The following PPM1G variants were observed in gnomAD, a reference collection of about 807,000 sequenced individuals.
The protein encoded by PPM1G is protein phosphatase 1G.
PPM1G carries 12 observed loss-of-function variants against 59.4 expected under a neutral mutation model. The observed-to-expected ratio is 0.20, with a 90% CI of 0.13 to 0.33. The LOEUF (loss-of-function observed/expected upper bound fraction) is 0.33. Ranked by LOEUF, PPM1G falls within the 10% of genes least tolerant of loss-of-function variation. The pLI is 1.00. For synonymous variants in PPM1G, 245 were observed against 251.9 expected (o/e 0.97, Z 0.26); for missense variants, 392 against 681.3 (o/e 0.58, Z 4.73).
chr2:27,393,722 G>A (rs1363291344), intron 1 of PPM1G, among the ~76,000 whole-genome samples: 2 of 151,866 alleles, frequency 1.3e-5, no homozygotes, highest in Non-Finnish European at 2.9e-5. Context: ...GTAGCTGGGA[G>A]TACAGGTGCG....
At chr2:27,398,963 G>A (rs922383496) in intron 1 of PPM1G, among the ~76,000 whole-genome samples, 2 of 151,972 alleles carry the variant, frequency 1.3e-5, no homozygotes, top group East Asian at 1.9e-4. Flanking sequence ...TGGCCAACAT[G>A]GTGAAACCCG....
chr2:27,385,845 T>G lies in PPM1G; in HGVS notation c.311A>C (p.Lys104Thr). ...LEDAFLAIDAKLTTEEVIKEL... is the reference protein window; with the variant it reads ...LEDAFLAIDATLTTEEVIKEL... The stretch of plus-strand genomic sequence containing the variant: ...TTTAATGACTTCTTCAGTGGTCAAT[T>G]TGGCGTCAATAGCCAAGAAGGCATC... The change falls in exon 4 of 10, where the codon AAA (lysine) becomes ACA (threonine). Residue 104 changes from lysine to threonine, a missense_variant. Physicochemically the swap from Lys to Thr is moderately conservative, Grantham distance 78. Transcript: ENST00000344034. This position sits in a 1 kb window ranked among gnomAD's most constrained non-coding sequence, Gnocchi z 4.1. 6.2e-7 allele frequency: 1 copy of G among 1,613,998 alleles called. No individual in the cohort carries two copies. The highest frequency in any genetic ancestry group is 8.5e-7 in the Non-Finnish European group (1 of 1,179,980).
intron 1 of PPM1G, among the ~76,000 whole-genome samples, chr2:27,398,604 A>G (rs1572667356): frequency 6.6e-6 from 1 of 151,998 alleles, no homozygotes; most frequent in Non-Finnish European, 1.5e-5. Context: ...CGGACGGATC[A>G]CGAGGTCAAG....
At chr2:27,396,527 T>G (rs1166999414) in intron 1 of PPM1G, among the ~76,000 whole-genome samples, 1 of 150,940 alleles carries the variant, frequency 6.6e-6, no homozygotes, top group African/African-American at 2.4e-5. Flanking sequence ...TTAAAAAAAT[T>G]TTTAAGGCCG....
intron 1 of PPM1G, among the ~76,000 whole-genome samples, chr2:27,393,820 C>A (rs1243831466): frequency 6.6e-6 from 1 of 151,914 alleles, no homozygotes; most frequent in Non-Finnish European, 1.5e-5. Context: ...TGGACTGAAG[C>A]GGCGCAATCT....
chr2:27,403,731 AC>A, intron 1 of PPM1G, among the ~76,000 whole-genome samples: 1 of 152,112 alleles, frequency 6.6e-6, no homozygotes, highest in African/African-American at 2.4e-5. Context: ...TACTAAAAAT[AC>A]AAAAAATAAG....
At position 27,382,162 on chromosome 2, in the gene PPM1G, A is replaced by G. The variant is rs1475494259; in HGVS notation, c.1398T>C (p.Asn466=). ...IQSKISQRDE[N]GELRLLSSIV... is the part of the protein sequence containing the mutation. ...TGGATGACAATAACCGAAGCTCCCC[A>G]TTTTCATCACGCTGGCTGATCTTTG... The change falls in exon 9 of 10, where the codon AAT becomes AAC. Residue 466 remains asparagine, a synonymous_variant. Coordinates refer to ENST00000344034, the MANE Select transcript of PPM1G (RefSeq NM_177983.3). This position sits in a 1 kb window ranked among gnomAD's most constrained non-coding sequence, Gnocchi z 4.2. 1 of 1,614,138 alleles carries G rather than the reference A, an allele frequency of 6.2e-7. No individual in the cohort carries two copies. The highest frequency in any genetic ancestry group is 8.5e-7 in the Non-Finnish European group (1 of 1,180,028).
chr2:27,399,765 T>C (rs1286937395), intron 1 of PPM1G, among the ~76,000 whole-genome samples: 2 of 152,182 alleles, frequency 1.3e-5, no homozygotes, highest in Non-Finnish European at 2.9e-5. Flanking sequence ...ACTGGCATCC[T>C]CATATATTGC....
intron 1 of PPM1G, among the ~76,000 whole-genome samples, chr2:27,392,515 A>C (rs1220841976): frequency 6.7e-6 from 1 of 148,502 alleles, no homozygotes; most frequent in Non-Finnish European, 1.5e-5. Flanking sequence ...GGCTGGTCTC[A>C]AACTCCCGAC....
chr2:27,407,487 G>A (rs1234077297), intron 1 of PPM1G, among the ~76,000 whole-genome samples: 2 of 151,980 alleles, frequency 1.3e-5, no homozygotes, highest in East Asian at 1.9e-4. Flanking sequence ...GGCTGGTCTC[G>A]AACTCCTGAG....
chr2:27,394,694 G>A (rs1684001637), intron 1 of PPM1G, among the ~76,000 whole-genome samples: 2 of 143,292 alleles, frequency 1.4e-5, no homozygotes, highest in African/African-American at 5.2e-5. Context: ...AGTGAGCCGA[G>A]ATCGTGCCAC....
chr2:27,388,379 A>T (rs1226137992), intron 1 of PPM1G, among the ~76,000 whole-genome samples: 2 of 152,196 alleles, frequency 1.3e-5, no homozygotes, highest in East Asian at 3.9e-4. Flanking sequence ...ACTGCGCTCC[A>T]GCCTGGGTGA....
chr2:27,396,207 G>A (rs1222890742), intron 1 of PPM1G, among the ~76,000 whole-genome samples: 1 of 152,120 alleles, frequency 6.6e-6, no homozygotes, highest in Non-Finnish European at 1.5e-5. Context: ...GGGAGGTGGA[G>A]GTTGCAGTGA....
At chr2:27,408,818 T>C (rs909951767) in intron 1 of PPM1G, among the ~76,000 whole-genome samples, 1 of 152,218 alleles carries the variant, frequency 6.6e-6, no homozygotes, top group African/African-American at 2.4e-5. Flanking sequence ...AAACAGACTC[T>C]GCCCGGGGTT....
In PPM1G at chr2:27,400,259, G is replaced by A. The variant is rs182651240; in HGVS notation, c.120+9044C>T. On this transcript the variant is annotated intron_variant, in intron 1 of 9. Transcript: ENST00000344034. ...TAAAATACACACAAAAAATTTAGCC[G>A]GGTGTGATGGTGGGTACCTGTAGTC... 2.0e-3 allele frequency among the ~76,000 whole-genome samples: 301 copies of A among 152,120 alleles called. 2 individuals are homozygous for A. The highest frequency in any genetic ancestry group is 6.7e-3 in the African/African-American group (278 of 41,494).
In PPM1G at chr2:27,384,571, G is replaced by A. The variant is rs1237079685; in HGVS notation, c.825+102C>T. 12 of 1,351,300 alleles carry A rather than the reference G, an allele frequency of 8.9e-6. No homozygotes were observed. Among genetic ancestry groups the A allele is most frequent in the Non-Finnish European group, 1.2e-5 (12 of 991,910 alleles). 83.7% of individuals were successfully genotyped at this position (1,351,300 alleles called of 1,614,324 possible). On this transcript the variant is annotated intron_variant, in intron 5 of 9. Coordinates refer to ENST00000344034, the MANE Select transcript of PPM1G (RefSeq NM_177983.3). This position sits in a 1 kb window ranked among gnomAD's most constrained non-coding sequence, Gnocchi z 4.8. ...TAGAATACAGTGGGTCTTGGGGGAT[G>A]ATGTCAAAATAGGAGAAGGAAAGAG...
chr2:27,387,324 A>T (rs1683792767), intron 1 of PPM1G, among the ~76,000 whole-genome samples, 166 bp from the exon 2 acceptor site: 1 of 152,168 alleles, frequency 6.6e-6, no homozygotes, highest in Non-Finnish European at 1.5e-5. Context: ...AGAAAAGAGG[A>T]GGGAGGCAAA....
chr2:27,385,206 G>T lies in PPM1G; in HGVS notation c.410-118C>A, dbSNP rs1683735112. 1 of 1,175,770 alleles carries T rather than the reference G, an allele frequency of 8.5e-7. No homozygotes were observed. The highest frequency in any genetic ancestry group is 1.2e-6 in the Non-Finnish European group (1 of 857,206). 72.8% of individuals were successfully genotyped at this position (1,175,770 alleles called of 1,614,324 possible). A position where few individuals can be genotyped will look rare whatever the true frequency, so the allele number is the denominator to read the frequency against. On this transcript the variant is annotated intron_variant, in intron 4 of 9. Coordinates refer to ENST00000344034, the MANE Select transcript of PPM1G (RefSeq NM_177983.3). This position sits in a 1 kb window ranked among gnomAD's most constrained non-coding sequence, Gnocchi z 4.1. ...TTCCCCACAACCTCCCACTCCCAAG[G>T]TTCCTCTCGCTCAAGTCTCAGAAGA...
rs1558315144 is a variant in PPM1G, at chr2:27,381,534, A to G, written c.*65T>C. On this transcript the variant is annotated 3_prime_UTR_variant, in exon 10 of 10. Coordinates refer to ENST00000344034, the MANE Select transcript of PPM1G (RefSeq NM_177983.3). The stretch of plus-strand genomic sequence containing the variant: ...ACTGCTAAGGCTAAAGGAAAAAGAC[A>G]AAACTCAGTCTCAGGTCCGGAGGGC... The G allele has an allele frequency of 2.5e-6, 4 of 1,591,742 alleles. No individual in the cohort carries two copies. The East Asian group carries it at 8.9e-5, about 36-fold the overall frequency.
Sources: allele counts gnomAD v4.1 joint callset (sites outside exome capture counted in the v4.1 genomes callset), GRCh38; gene constraint gnomAD v4.1.1; non-coding constraint Gnocchi (gnomAD v3.1); transcripts MANE v1.5; gene names NCBI Gene and HGNC (gene_info 2026-07-23, HGNC 2026-07-21).